DHRS3: variants seen among roughly 807,000 people sequenced by gnomAD.
DHRS3 encodes short-chain dehydrogenase/reductase 3.
A neutral mutation model predicts 27.2 loss-of-function variants in DHRS3; 14 were observed. The ratio of observed to expected loss-of-function variants is 0.52; its 90% CI spans 0.34 to 0.81. The LOEUF is 0.81. DHRS3 is among the 30% of genes least tolerant of loss of function. The probability of loss-of-function intolerance (pLI) is 0.01; values close to 1 mark genes in which losing one functional copy is unlikely to be tolerated. For missense variants in DHRS3, 322 were observed against 406.2 expected (o/e 0.79, Z 1.78); for synonymous variants, 165 against 175.9 (o/e 0.94, Z 0.49).
chr1:12,598,219 C>G (rs1455054613), intron 1 of DHRS3, among the ~76,000 whole-genome samples: 1 of 152,118 alleles, frequency 6.6e-6, no homozygotes, highest in Non-Finnish European at 1.5e-5. Flanking sequence ...GAAAGCCTGT[C>G]TCCACTAAAA....
chr1:12,616,139 C>T (rs1646942707), intron 1 of DHRS3, among the ~76,000 whole-genome samples: 1 of 152,246 alleles, frequency 6.6e-6, no homozygotes, highest in African/African-American at 2.4e-5. Context: ...TACTTAATCC[C>T]CAAGGTATGC....
intron 1 of DHRS3, among the ~76,000 whole-genome samples, chr1:12,610,694 T>C (rs1204257716): frequency 6.6e-6 from 1 of 152,236 alleles, no homozygotes; most frequent in Non-Finnish European, 1.5e-5. Flanking sequence ...CATTTGGGCA[T>C]GCTAGTGTCT....
intron 1 of DHRS3, among the ~76,000 whole-genome samples, chr1:12,600,000 C>T (rs374342254): frequency 3.4e-4 from 52 of 152,264 alleles, no homozygotes; most frequent in African/African-American, 1.2e-3. Context: ...TGGAAGCCCC[C>T]GTCTGTGCTT....
chr1:12,585,124 TGAGA>T (rs764259918), intron 1 of DHRS3, among the ~76,000 whole-genome samples: 44 of 151,676 alleles, frequency 2.9e-4, no homozygotes, highest in Admixed American at 5.3e-4. Flanking sequence ...TGTCTCTGTG[TGAGA>T]GAGAGTGTGT....
intron 5 of DHRS3, among the ~76,000 whole-genome samples, chr1:12,568,674 C>T (rs1415575187): frequency 6.6e-6 from 1 of 152,132 alleles, no homozygotes; most frequent in Non-Finnish European, 1.5e-5. Context: ...GTCTATAATC[C>T]AAGTACTTTG....
At chr1:12,598,876 C>G (rs1373042064) in intron 1 of DHRS3, among the ~76,000 whole-genome samples, 1 of 152,192 alleles carries the variant, frequency 6.6e-6, no homozygotes, top group African/African-American at 2.4e-5. Context: ...CCCCTCAGAG[C>G]TGCTAGCAGA....
chr1:12,577,953 A>G (rs1646605099), intron 4 of DHRS3, among the ~76,000 whole-genome samples: 1 of 152,204 alleles, frequency 6.6e-6, no homozygotes, highest in Non-Finnish European at 1.5e-5. Flanking sequence ...AAGAGAGAAC[A>G]TTTCTGAAGG....
chr1:12,570,334 G>A (rs1242312401), intron 5 of DHRS3, among the ~76,000 whole-genome samples: 1 of 152,214 alleles, frequency 6.6e-6, no homozygotes, highest in African/African-American at 2.4e-5. Flanking sequence ...CTTCATGGCG[G>A]GTATTTCATC....
intron 1 of DHRS3, among the ~76,000 whole-genome samples, chr1:12,583,166 C>CTCCATCCA (rs1215232542): frequency 2.0e-5 from 3 of 149,660 alleles, no homozygotes; most frequent in African/African-American, 4.9e-5. Context: ...ACCCACCCCA[C>CTCCATCCA]TCCATCCATC....
intron 1 of DHRS3, among the ~76,000 whole-genome samples, chr1:12,609,291 C>T (rs1014159590): frequency 1.5e-4 from 23 of 152,182 alleles, no homozygotes; most frequent in South Asian, 1.0e-3. Context: ...AACATAGTCA[C>T]GATTCCTCAG....
chr1:12,617,382 C>T lies in DHRS3; in HGVS notation c.-34G>A. 1 of 1,584,604 alleles carries T rather than the reference C, an allele frequency of 6.3e-7. No homozygotes were observed. The highest frequency in any genetic ancestry group is 1.1e-5 in the South Asian group (1 of 88,894). The stretch of plus-strand genomic sequence containing the variant: ...CCGCGGAGCCGGGCAGGGGGCGAAA[C>T]TCCCCGGGCCGAGCAATACAGGAAT... On this transcript the variant is annotated 5_prime_UTR_variant, in exon 1 of 6. Coordinates refer to ENST00000616661, the MANE Select transcript of DHRS3 (RefSeq NM_004753.7).
intron 1 of DHRS3, among the ~76,000 whole-genome samples, chr1:12,607,847 A>ATGTGTGTGTG (rs753847593): frequency 3.7e-4 from 56 of 151,516 alleles, no homozygotes; most frequent in African/African-American, 1.2e-3. Flanking sequence ...ATTTGTGTAT[A>ATGTGTGTGTG]TGTGTGTGTG....
In DHRS3 at chr1:12,593,186, G is replaced by A. The variant is rs10864572; in HGVS notation, c.196-12520C>T. Among the ~76,000 whole-genome samples the A allele has an allele frequency of 0.027, 4,057 of 152,182 alleles. 169 individuals carry two copies. The highest frequency in any genetic ancestry group is 0.092 in the African/African-American group (3,827 of 41,482). On this transcript the variant is annotated intron_variant, in intron 1 of 5. Transcript: ENST00000616661. This position sits in a 1 kb window ranked among gnomAD's most constrained non-coding sequence, Gnocchi z 4.6. Reference sequence around the variant, plus strand: ...CACAGACTGGAATCTAGTGTTTACTGGGATCGCAGGCCCTTCCTGGTCTGC... The same window carrying A: ...CACAGACTGGAATCTAGTGTTTACTAGGATCGCAGGCCCTTCCTGGTCTGC...
chr1:12,577,832 C>T (rs1646603991), intron 4 of DHRS3, among the ~76,000 whole-genome samples: 1 of 152,118 alleles, frequency 6.6e-6, no homozygotes, highest in Non-Finnish European at 1.5e-5. Context: ...CAATAAATAA[C>T]TAAATAAACA....
chr1:12,580,703 A>T (rs758502230), intron 1 of DHRS3, 37 bp from the exon 2 acceptor site: 22 of 1,584,704 alleles, frequency 1.4e-5, no homozygotes, highest in East Asian at 9.0e-5. Flanking sequence ...ACAAATGGTC[A>T]TTAAGCCACA....
chr1:12,600,342 G>A, intron 1 of DHRS3: 1 of 985,390 alleles, frequency 1.0e-6, no homozygotes, highest in Non-Finnish European at 1.2e-6. Flanking sequence ...AGGGCACCAT[G>A]TGCCCAGTCC....
intron 4 of DHRS3, among the ~76,000 whole-genome samples, chr1:12,577,308 T>A (rs1646598258): frequency 6.6e-6 from 1 of 152,202 alleles, no homozygotes; most frequent in East Asian, 1.9e-4. Flanking sequence ...CCCTGCCAGA[T>A]TCCACTTTGT....
rs1030986827 is a variant in DHRS3 at position 12,591,442 on chromosome 1, G to T, written c.196-10776C>A. ...AGCTGTTGGGGAGGATTGTGATGAA[G>T]CTCCTCAAATTAGATCAGCCAGTGG... On this transcript the variant is annotated intron_variant, in intron 1 of 5. Coordinates refer to ENST00000616661, the MANE Select transcript of DHRS3 (RefSeq NM_004753.7). The surrounding 1 kb of genome is among the most constrained non-coding windows in gnomAD (Gnocchi z 4.1). 5.3e-5 allele frequency among the ~76,000 whole-genome samples: 8 copies of T among 152,250 alleles called. No homozygotes were observed. Among genetic ancestry groups the T allele is most frequent in the African/African-American group, 1.9e-4 (8 of 41,470 alleles).
rs548220575 is a variant in DHRS3 at position 12,568,651 on chromosome 1, C to T, written c.825-227G>A. On this transcript the variant is annotated intron_variant, in intron 5 of 5. Coordinates refer to ENST00000616661, the MANE Select transcript of DHRS3 (RefSeq NM_004753.7). ...GTTAAAAGGGCAGGGGGAGGCTGGG[C>T]GCGGTGGCTCATGTCTATAATCCAA... 1.6e-3 allele frequency among the ~76,000 whole-genome samples: 236 copies of T among 152,234 alleles called. 2 individuals are homozygous for T. The highest frequency in any genetic ancestry group is 5.6e-3 in the African/African-American group (232 of 41,540).
Sources: gnomAD v4.1 joint callset for allele counts (sites outside exome capture counted in the v4.1 genomes callset) on GRCh38, gnomAD v4.1.1 for gene constraint, Gnocchi (gnomAD v3.1) non-coding constraint, MANE v1.5 for transcripts, NCBI Gene and HGNC (gene_info 2026-07-23, HGNC 2026-07-21) for gene names.